NSD1: variants seen among roughly 807,000 people sequenced by gnomAD.
The protein encoded by NSD1 is nuclear receptor binding SET domain protein 1, also known as histone-lysine N-methyltransferase, H3 lysine-36 specific.
A neutral mutation model predicts 242.7 loss-of-function variants in NSD1; 26 were observed. The ratio of observed to expected loss-of-function variants is 0.11; its 90% CI spans 0.08 to 0.15. The LOEUF (loss-of-function observed/expected upper bound fraction) is 0.15, where lower values mean the gene tolerates loss of function less well. NSD1 is among the 10% of genes least tolerant of loss of function. The probability of loss-of-function intolerance (pLI) is 1.00; values close to 1 mark genes in which losing one functional copy is unlikely to be tolerated. For synonymous variants in NSD1, 1,106 were observed against 1,178.1 expected, an observed-to-expected ratio of 0.94 and a Z score of 1.25; for missense variants, 2,495 against 3,272.8, an observed-to-expected ratio of 0.76 and a Z score of 5.80.
At chr5:177,254,556 T>C (rs1399989593) in intron 12 of NSD1, among the ~76,000 whole-genome samples, 3 of 152,040 alleles carry the variant, frequency 2.0e-5, no homozygotes, top group African/African-American at 7.2e-5. Context: ...TGCACCACCA[T>C]GCCCAGCTAA....
intron 2 of NSD1, among the ~76,000 whole-genome samples, chr5:177,181,427 G>GTTTTTTTTTTTTTT (rs34848476): frequency 2.2e-4 from 26 of 117,324 alleles, no homozygotes; most frequent in South Asian, 5.2e-4. Flanking sequence ...TTTTTTTTTG[G>GTTTTTTTTTTTTTT]TTTTTTTTTT....
intron 20 of NSD1, among the ~76,000 whole-genome samples, chr5:177,286,487 A>G (rs896413201): frequency 2.0e-4 from 31 of 152,220 alleles, no homozygotes; most frequent in African/African-American, 7.0e-4. Context: ...GAGTAATTCA[A>G]TAAATGATAC....
intron 5 of NSD1, chr5:177,229,985 C>T (rs1166307385): frequency 6.2e-6 from 1 of 161,562 alleles, no homozygotes; most frequent in African/African-American, 2.4e-5. Flanking sequence ...TTCAAGTGAT[C>T]TGCTGGCTTC....
intron 21 of NSD1, among the ~76,000 whole-genome samples, chr5:177,290,385 G>C (rs1053392726): frequency 6.6e-6 from 1 of 150,834 alleles, no homozygotes; most frequent in African/African-American, 2.4e-5. Flanking sequence ...TAACATAGAA[G>C]CCAATAAGAA....
intron 5 of NSD1, among the ~76,000 whole-genome samples, chr5:177,218,307 C>G (rs554769544): frequency 1.3e-4 from 20 of 152,160 alleles, no homozygotes; most frequent in Admixed American, 5.2e-4. Flanking sequence ...CTTGGCCCCC[C>G]AAAAGTGCTG....
At chr5:177,277,045 C>T (rs1315269099) in intron 17 of NSD1, among the ~76,000 whole-genome samples, 16 of 151,770 alleles carry the variant, frequency 1.1e-4, no homozygotes, top group Non-Finnish European at 4.4e-5. Flanking sequence ...TTAGAGTTAA[C>T]ATATTAACCA....
rs868396286 is a variant in NSD1, at chr5:177,300,062, C to G, written c.*4603C>G. 1 of 182,784 alleles carries G rather than the reference C, an allele frequency of 5.5e-6. No homozygotes were observed. The highest frequency in any genetic ancestry group is 8.6e-5 in the East Asian group (1 of 11,582). The allele number at this position is 182,784 out of a possible 1,614,324, so 11.3% of individuals were successfully genotyped here. A position where few individuals can be genotyped will look rare whatever the true frequency, so the allele number is the denominator to read the frequency against. ...CATCATTGCTTTTTTGCCGCGCCCCCCCCCCCCCGCCCCCATAGATTGTCA... is the reference window on the plus strand; with the variant it reads ...CATCATTGCTTTTTTGCCGCGCCCCGCCCCCCCCGCCCCCATAGATTGTCA... On this transcript the variant is annotated 3_prime_UTR_variant, in exon 23 of 23. Transcript: ENST00000439151.
chr5:177,235,755 C>G, intron 5 of NSD1, 66 bp from the exon 6 acceptor site: 1 of 1,606,026 alleles, frequency 6.2e-7, no homozygotes, highest in Non-Finnish European at 8.5e-7. Flanking sequence ...ATCAGATGGT[C>G]TCATAAAAAC....
At chr5:177,144,509 ATAATT>A (rs1430539511) in intron 2 of NSD1, among the ~76,000 whole-genome samples, 2 of 152,196 alleles carry the variant, frequency 1.3e-5, no homozygotes, top group Non-Finnish European at 2.9e-5. Context: ...GATAATCAGA[ATAATT>A]TAATTTGTGC....
intron 17 of NSD1, among the ~76,000 whole-genome samples, chr5:177,274,729 T>G (rs1290426018): frequency 7.3e-6 from 1 of 136,468 alleles, no homozygotes; most frequent in East Asian, 2.0e-4. Flanking sequence ...GTGTGTGTGT[T>G]GTTTTTTTGT....
At chr5:177,194,692 G>GTTT (rs1388441171) in intron 3 of NSD1, among the ~76,000 whole-genome samples, 1 of 83,226 alleles carries the variant, frequency 1.2e-5, no homozygotes, top group African/African-American at 6.0e-5. Context: ...AAATTTTAGT[G>GTTT]TCTTTTTTTT....
intron 2 of NSD1, among the ~76,000 whole-genome samples, chr5:177,184,734 G>A (rs1363889591): frequency 1.3e-5 from 2 of 152,022 alleles, no homozygotes; most frequent in Non-Finnish European, 2.9e-5. Flanking sequence ...CGCAAGGATG[G>A]GATCTCGCCA....
intron 5 of NSD1, among the ~76,000 whole-genome samples, chr5:177,227,435 G>A (rs752406881): frequency 1.2e-4 from 18 of 152,122 alleles, no homozygotes; most frequent in African/African-American, 3.1e-4. Context: ...CATTAACTTT[G>A]GATTTTTATG....
At chr5:177,142,237 G>T (rs1446070571) in intron 2 of NSD1, among the ~76,000 whole-genome samples, 1 of 152,072 alleles carries the variant, frequency 6.6e-6, no homozygotes, top group African/African-American at 2.4e-5. Context: ...TGGAAACCTT[G>T]CAGTCAATCA....
chr5:177,267,154 A>G (rs1179077990), intron 14 of NSD1, among the ~76,000 whole-genome samples: 1 of 152,190 alleles, frequency 6.6e-6, no homozygotes, highest in Non-Finnish European at 1.5e-5. Context: ...CACTGTGCCC[A>G]GCCGAAAAGT....
chr5:177,141,561 C>G (rs1423026649), intron 2 of NSD1, among the ~76,000 whole-genome samples: 2 of 151,728 alleles, frequency 1.3e-5, no homozygotes, highest in African/African-American at 4.8e-5. Context: ...AACCCCTAAC[C>G]TCAAGTGATC....
chr5:177,160,597 C>G (rs1413399916), intron 2 of NSD1, among the ~76,000 whole-genome samples: 2 of 151,994 alleles, frequency 1.3e-5, no homozygotes, highest in African/African-American at 4.8e-5. Flanking sequence ...GCCACTGTGC[C>G]CCGCCTGCAA....
Position 177,238,159 on chromosome 5 carries a change from T to G in NSD1, c.3922-78T>G. On this transcript the variant is annotated intron_variant, in intron 6 of 22. Transcript: ENST00000439151. The surrounding 1 kb of genome is among the most constrained non-coding windows in gnomAD (Gnocchi z 4.6). ...GCCTTTGTCAGAATTTCATTCCTTT[T>G]AAAGTGTGTTATTCTTTTTGACACT... 1 of 1,501,104 alleles carries G rather than the reference T, an allele frequency of 6.7e-7. No individual in the cohort carries two copies. Among genetic ancestry groups the G allele is most frequent in the South Asian group, 1.1e-5 (1 of 88,306 alleles). The allele number at this position is 1,501,104 out of a possible 1,614,324, so 93.0% of individuals were successfully genotyped here.
chr5:177,201,661 C>T (rs886078547), intron 3 of NSD1, among the ~76,000 whole-genome samples: 5 of 150,970 alleles, frequency 3.3e-5, no homozygotes, highest in African/African-American at 7.3e-5. Flanking sequence ...TGAGTTCAAG[C>T]GATTCTCATG....
Sources: allele counts gnomAD v4.1 joint callset (sites outside exome capture counted in the v4.1 genomes callset), GRCh38; gene constraint gnomAD v4.1.1; non-coding constraint Gnocchi (gnomAD v3.1); transcripts MANE v1.5; gene names NCBI Gene and HGNC (gene_info 2026-07-23, HGNC 2026-07-21).